The following SLC9C1 variants were observed in gnomAD, a reference collection of about 807,000 sequenced individuals.
The protein encoded by SLC9C1 is sodium/hydrogen exchanger 10.
SLC9C1 carries 97 observed loss-of-function variants against 140.9 expected under a neutral mutation model. The observed-to-expected ratio is 0.69, with a 90% confidence interval of 0.58 to 0.82. The LOEUF is 0.82. SLC9C1 is among the 40% of genes least tolerant of loss of function. The probability of loss-of-function intolerance (pLI) is 0.00; values close to 1 mark genes in which losing one functional copy is unlikely to be tolerated. For synonymous variants in SLC9C1, 440 were observed against 442.6 expected (o/e 0.99, Z 0.07); for missense variants, 1,340 against 1,389.3 (o/e 0.96, Z 0.56).
At chr3:112,194,803 C>CTT (rs1049366711) in intron 20 of SLC9C1, among the ~76,000 whole-genome samples, 1 of 140,948 alleles carries the variant, frequency 7.1e-6, no homozygotes, top group African/African-American at 2.6e-5. Context: ...ATGATATTTT[C>CTT]TTTTTTTTTT....
At position 112,167,344 on chromosome 3, in the gene SLC9C1, G is replaced by A; in HGVS notation, c.3241C>T (p.Gln1081Ter). 1.3e-6 allele frequency: 2 copies of A among 1,581,190 alleles called. No homozygotes were observed. The highest frequency in any genetic ancestry group is 1.7e-6 in the Non-Finnish European group (2 of 1,166,540). ...ACTTTTGTGAAATCTTCAATACTTT[G>A]TATCTGAAAGTTGACAGAATGCAAG... ...FLIPITCHQI[Q>*]SIEDFTKVVI... Residue 1081 changes from glutamine to a stop codon, truncating the protein, a stop_gained, in exon 26 of 29, where the codon CAA (glutamine) becomes TAA (stop). Coordinates refer to ENST00000305815, the MANE Select transcript of SLC9C1 (RefSeq NM_183061.3). LOFTEE classifies it high-confidence loss of function.
intron 14 of SLC9C1, among the ~76,000 whole-genome samples, chr3:112,220,658 A>T (rs1235885725): frequency 6.6e-6 from 1 of 152,200 alleles, no homozygotes; most frequent in Non-Finnish European, 1.5e-5. Flanking sequence ...ACCACTGCTT[A>T]TTTTGGAGAC....
intron 10 of SLC9C1, among the ~76,000 whole-genome samples, chr3:112,251,639 C>T (rs1473607253): frequency 6.6e-6 from 1 of 152,174 alleles, no homozygotes; most frequent in African/African-American, 2.4e-5. Flanking sequence ...AAACTTCAGT[C>T]ATCCACCAGT....
Position 112,277,762 on chromosome 3 carries a change from C to A in SLC9C1, c.417G>T (p.Trp139Cys), listed in dbSNP as rs191870124. The change falls in exon 5 of 29, where the codon TGG (tryptophan) becomes TGT (cysteine). Residue 139 changes from tryptophan to cysteine, a missense_variant. Coordinates refer to ENST00000305815, the MANE Select transcript of SLC9C1 (RefSeq NM_183061.3). ...VNQLLLKPTQ[W>C]LLFSAILVSS... ...TCACAAGGATAGCTGAAAATAATAA[C>A]CATTGGGTAGGCTTCAAAAGTAATT... The A allele has an allele frequency of 5.0e-6, 8 of 1,612,452 alleles. No individual in the cohort carries two copies. Among genetic ancestry groups the A allele is most frequent in the Non-Finnish European group, 6.8e-6 (8 of 1,179,148 alleles).
chr3:112,177,353 G>A (rs1349481013), intron 23 of SLC9C1, among the ~76,000 whole-genome samples: 1 of 151,828 alleles, frequency 6.6e-6, no homozygotes, highest in East Asian at 1.9e-4. Flanking sequence ...GGTAAATCTA[G>A]TTGTGTCTCA....
At chr3:112,197,321 G>A (rs1014656440) in intron 20 of SLC9C1, among the ~76,000 whole-genome samples, 2 of 152,122 alleles carry the variant, frequency 1.3e-5, no homozygotes, top group Admixed American at 6.6e-5. Flanking sequence ...CAGAGGGGGA[G>A]GGCTTACAAT....
chr3:112,220,583 T>C (rs1460334335), intron 14 of SLC9C1, among the ~76,000 whole-genome samples: 1 of 152,210 alleles, frequency 6.6e-6, no homozygotes, highest in East Asian at 1.9e-4. Flanking sequence ...TGCCCAATCA[T>C]AGATCCAGCA....
intron 20 of SLC9C1, among the ~76,000 whole-genome samples, chr3:112,192,542 CT>C (rs1560048186): frequency 6.6e-6 from 1 of 151,866 alleles, no homozygotes. Context: ...TGTTTCTATT[CT>C]TTTTTTGTTT....
intron 2 of SLC9C1, 45 bp downstream of exon 2, chr3:112,286,659 A>G (rs112597119): frequency 2.0e-6 from 3 of 1,481,470 alleles, no homozygotes; most frequent in African/African-American, 2.8e-5. Context: ...CATTTATAAG[A>G]TGTACCGGAA....
At chr3:112,220,855 G>C (rs984398675) in intron 14 of SLC9C1, among the ~76,000 whole-genome samples, 1 of 67,780 alleles carries the variant, frequency 1.5e-5, no homozygotes, top group South Asian at 1.3e-3. Context: ...CTTTTGGCAG[G>C]GGGGGACAAA....
At chr3:112,291,817 C>G (rs1023628901) in intron 1 of SLC9C1, among the ~76,000 whole-genome samples, 1 of 152,148 alleles carries the variant, frequency 6.6e-6, no homozygotes, top group African/African-American at 2.4e-5. Flanking sequence ...CATATGCATG[C>G]GTACATTCAT....
At chr3:112,230,846 A>G (rs1276558992) in intron 13 of SLC9C1, among the ~76,000 whole-genome samples, 2 of 152,198 alleles carry the variant, frequency 1.3e-5, no homozygotes, top group African/African-American at 2.4e-5. Flanking sequence ...GCTGTGCTAC[A>G]GCATTTCTCT....
chr3:112,224,398 A>G lies in SLC9C1; in HGVS notation c.1573-3173T>C, dbSNP rs1450026739. On this transcript the variant is annotated intron_variant, in intron 13 of 28. Transcript: ENST00000305815. ...TCTGAAGATATCAATGCAAGGATACAAAAAAAACATGAAAAAGCAATAAAA... is the reference window on the plus strand; with the variant it reads ...TCTGAAGATATCAATGCAAGGATACGAAAAAAACATGAAAAAGCAATAAAA... Among the ~76,000 whole-genome samples the G allele has an allele frequency of 5.1e-4, 5 of 9,874 alleles. No individual in the cohort carries two copies. In the Admixed American group the frequency reaches 0.01, roughly 21 times the overall value. 6.5% of individuals were successfully genotyped at this position (9,874 alleles called of 152,430 possible).
chr3:112,193,045 G>T (rs1372475951), intron 20 of SLC9C1, among the ~76,000 whole-genome samples: 1 of 152,166 alleles, frequency 6.6e-6, no homozygotes, highest in African/African-American at 2.4e-5. Flanking sequence ...ATTGGCTTTG[G>T]ATCTAGGTGG....
At position 112,199,404 on chromosome 3, in the gene SLC9C1, TA is replaced by T. The variant is rs2077847511; in HGVS notation, c.2439del (p.Met814CysfsTer14). The T allele has an allele frequency of 6.2e-7, 1 of 1,600,772 alleles. No homozygotes were observed. Among genetic ancestry groups the T allele is most frequent in the African/African-American group, 1.3e-5 (1 of 74,538 alleles). Reference sequence around the variant, plus strand: ...AGAATTTCTGTAGCCATATTGAGCATAACATTAATTTCTTCCTTTGTTTTCA... The same window carrying T: ...AGAATTTCTGTAGCCATATTGAGCATACATTAATTTCTTCCTTTGTTTTCA... ...VTVKTKEEIN[V>X]MLNMATEILK... On this transcript the variant is annotated frameshift_variant, in exon 20 of 29. Coordinates refer to ENST00000305815, the MANE Select transcript of SLC9C1 (RefSeq NM_183061.3). LOFTEE classifies it high-confidence loss of function.
chr3:112,288,032 G>A (rs1436784508), intron 1 of SLC9C1, among the ~76,000 whole-genome samples: 2 of 97,028 alleles, frequency 2.1e-5, no homozygotes, highest in African/African-American at 4.0e-5. Context: ...CACAGAGCAA[G>A]ACTCCGTCTC....
rs942568035 is a variant in SLC9C1, at chr3:112,161,127, C to T, written c.3365-6078G>A. On this transcript the variant is annotated intron_variant, in intron 26 of 28. Transcript: ENST00000305815. ...CTTTTTGATGGGGTTGTTTGTTTTT[C>T]TCTTGTAAATTTGTTTGAGTTCATT... 5.3e-5 allele frequency among the ~76,000 whole-genome samples: 8 copies of T among 151,836 alleles called. No homozygotes were observed. In the East Asian group the frequency reaches 9.7e-4, roughly 18 times the overall value.
At chr3:112,202,180 GA>G in intron 18 of SLC9C1, 69 bp downstream of exon 18, 3 of 1,557,350 alleles carry the variant, frequency 1.9e-6, no homozygotes, top group South Asian at 2.4e-5. Context: ...TATATGAACA[GA>G]AAAAAATGAT....
chr3:112,149,116 C>T (rs1171618198), intron 28 of SLC9C1, among the ~76,000 whole-genome samples: 1 of 151,854 alleles, frequency 6.6e-6, no homozygotes, highest in Non-Finnish European at 1.5e-5. Context: ...TCTGTGTGAG[C>T]GTGGAGCAGA....
Sources: allele counts gnomAD v4.1 joint callset (sites outside exome capture counted in the v4.1 genomes callset), GRCh38; gene constraint gnomAD v4.1.1; transcripts MANE v1.5; gene names NCBI Gene and HGNC (gene_info 2026-07-23, HGNC 2026-07-21).